RBMS3: variants seen among roughly 807,000 people sequenced by gnomAD.
The protein encoded by RBMS3 is RNA binding motif single stranded interacting protein 3.
In RBMS3, 27 loss-of-function variants were observed where a neutral mutation model predicts 66.8. That is an observed-to-expected ratio of 0.40 (90% CI 0.30 to 0.56). RBMS3 has a LOEUF of 0.56. Ranked by LOEUF, RBMS3 falls within the 20% of genes least tolerant of loss-of-function variation. The pLI is 0.40. For missense variants in RBMS3, 513 were observed against 549.5 expected, an observed-to-expected ratio of 0.93 and a Z score of 0.66; for synonymous variants, 188 against 183.0, an observed-to-expected ratio of 1.03 and a Z score of -0.22.
intron 12 of RBMS3, among the ~76,000 whole-genome samples, chr3:29,967,028 C>G (rs2149750130): frequency 6.6e-6 from 1 of 152,280 alleles, no homozygotes; most frequent in South Asian, 2.1e-4. Flanking sequence ...CCCTGCATCT[C>G]TGGTAGGAAA....
chr3:29,841,856 A>G (rs1380904680), intron 6 of RBMS3, among the ~76,000 whole-genome samples: 1 of 152,068 alleles, frequency 6.6e-6, no homozygotes, highest in Non-Finnish European at 1.5e-5. Flanking sequence ...TTCTACTTTC[A>G]TAAGTGTTTC....
chr3:29,410,208 A>T (rs1268029844), intron 1 of RBMS3, among the ~76,000 whole-genome samples: 1 of 152,186 alleles, frequency 6.6e-6, no homozygotes, highest in Non-Finnish European at 1.5e-5. Context: ...TCTGACTTGA[A>T]CCCACACTGA....
At chr3:29,492,446 A>T (rs559927679) in intron 3 of RBMS3, among the ~76,000 whole-genome samples, 112 of 152,330 alleles carry the variant, frequency 7.4e-4, no homozygotes, top group African/African-American at 2.5e-3. Context: ...AAGAACGAGT[A>T]TTGAAACAAT....
intron 13 of RBMS3, among the ~76,000 whole-genome samples, chr3:29,990,749 G>A (rs566693697): frequency 6.6e-6 from 1 of 152,284 alleles, no homozygotes; most frequent in African/African-American, 2.4e-5. Flanking sequence ...ATACAAGTTT[G>A]TATAGGAATC....
chr3:29,608,445 A>G (rs977127009), intron 4 of RBMS3, among the ~76,000 whole-genome samples: 1 of 152,014 alleles, frequency 6.6e-6, no homozygotes, highest in African/African-American at 2.4e-5. Flanking sequence ...ATTGTGATAT[A>G]AGGATTAGTT....
At chr3:29,717,939 C>T (rs955443471) in intron 4 of RBMS3, among the ~76,000 whole-genome samples, 1 of 152,056 alleles carries the variant, frequency 6.6e-6, no homozygotes, top group African/African-American at 2.4e-5. Context: ...TGAATGCCCA[C>T]GCTTTGTGAA....
chr3:29,475,405 A>G lies in RBMS3; in HGVS notation c.249-13036A>G, dbSNP rs372099951. Among the ~76,000 whole-genome samples the G allele has an allele frequency of 1.6e-3, 246 of 152,064 alleles. 1 individual carries two copies. Among genetic ancestry groups the G allele is most frequent in the African/African-American group, 5.8e-3 (240 of 41,524 alleles). ...CTGGGACTACAGGTGCACACCACCAAGCCCAGCTAATTTTTTGTAGTTTTC... is the reference window on the plus strand; with the variant it reads ...CTGGGACTACAGGTGCACACCACCAGGCCCAGCTAATTTTTTGTAGTTTTC... On this transcript the variant is annotated intron_variant, in intron 2 of 14. Transcript: ENST00000383767.
chr3:29,969,067 TAA>T (rs1697054473), intron 12 of RBMS3, among the ~76,000 whole-genome samples: 1 of 122,864 alleles, frequency 8.1e-6, no homozygotes, highest in African/African-American at 4.1e-5. Context: ...TGAAAATAAT[TAA>T]AGTAATTAGG....
chr3:29,773,104 T>A (rs1335709759), intron 6 of RBMS3, among the ~76,000 whole-genome samples: 1 of 152,014 alleles, frequency 6.6e-6, no homozygotes, highest in African/African-American at 2.4e-5. Context: ...GAAAAGTTAT[T>A]AGGGCCTAGA....
intron 10 of RBMS3, among the ~76,000 whole-genome samples, chr3:29,908,301 T>A (rs1390109315): frequency 1.3e-5 from 2 of 151,894 alleles, no homozygotes; most frequent in African/African-American, 2.4e-5. Context: ...ATGATCATGA[T>A]CATGAAGAAC....
rs545367053 is a variant in RBMS3, at chr3:29,545,994, T to C, written c.308-41120T>C. On this transcript the variant is annotated intron_variant, in intron 3 of 14. Transcript: ENST00000383767. ...ATGTTAGTTTTTCCAAGGAAAACTT[T>C]GTTGTTAGCAGCAAATTTTTCCAGA... 2.2e-4 allele frequency among the ~76,000 whole-genome samples: 30 copies of C among 135,940 alleles called. No individual in the cohort carries two copies. In the East Asian group the frequency reaches 2.3e-3, roughly 10 times the overall value. The allele number at this position is 135,940 out of a possible 152,430, so 89.2% of individuals were successfully genotyped here. A position where few individuals can be genotyped will look rare whatever the true frequency, so the allele number is the denominator to read the frequency against.
At chr3:29,473,055 A>T (rs1280644621) in intron 2 of RBMS3, among the ~76,000 whole-genome samples, 1 of 150,798 alleles carries the variant, frequency 6.6e-6, no homozygotes, top group Non-Finnish European at 1.5e-5. Flanking sequence ...TGGTGCATTC[A>T]CAAACCTTGA....
At chr3:29,683,270 T>G (rs2051574305) in intron 4 of RBMS3, among the ~76,000 whole-genome samples, 1 of 152,168 alleles carries the variant, frequency 6.6e-6, no homozygotes, top group African/African-American at 2.4e-5. Context: ...TCAAAGCAAA[T>G]GTACACACAA....
At chr3:29,903,659 T>C (rs577152892) in intron 10 of RBMS3, among the ~76,000 whole-genome samples, 249 of 152,124 alleles carry the variant, frequency 1.6e-3, no homozygotes, top group Admixed American at 4.5e-3. Context: ...TCCACTTTCT[T>C]AAACTTTATT....
At chr3:29,990,469 A>C (rs1481738327) in intron 13 of RBMS3, among the ~76,000 whole-genome samples, 9 of 149,266 alleles carry the variant, frequency 6.0e-5, no homozygotes, top group Non-Finnish European at 1.0e-4. Context: ...ACAAAAAAAA[A>C]AAAAAAAAAA....
At chr3:29,584,340 G>C (rs1448896920) in intron 3 of RBMS3, among the ~76,000 whole-genome samples, 1 of 152,034 alleles carries the variant, frequency 6.6e-6, no homozygotes, top group African/African-American at 2.4e-5. Context: ...AAATGCTGAA[G>C]TTGTTTGAGT....
chr3:29,406,496 G>A (rs919252890), intron 1 of RBMS3, among the ~76,000 whole-genome samples: 1 of 152,136 alleles, frequency 6.6e-6, no homozygotes, highest in African/African-American at 2.4e-5. Context: ...GCTGAAAGGT[G>A]GTCTGGCTCA....
At chr3:29,632,907 G>GTAATAATTAGAA (rs1459689037) in intron 4 of RBMS3, among the ~76,000 whole-genome samples, 1 of 151,764 alleles carries the variant, frequency 6.6e-6, no homozygotes, top group South Asian at 2.1e-4. Flanking sequence ...ATTATTCTAA[G>GTAATAATTAGAA]TAACTGGCAC....
intron 4 of RBMS3, among the ~76,000 whole-genome samples, chr3:29,605,570 A>G (rs890480607): frequency 2.0e-5 from 3 of 151,978 alleles, no homozygotes; most frequent in African/African-American, 7.2e-5. Flanking sequence ...GAATGCAGAT[A>G]GCAAGGGTTA....
Sources: allele counts gnomAD v4.1 joint callset (sites outside exome capture counted in the v4.1 genomes callset), GRCh38; gene constraint gnomAD v4.1.1; transcripts MANE v1.5; gene names NCBI Gene and HGNC (gene_info 2026-07-23, HGNC 2026-07-21).